MFNG: variants seen among roughly 807,000 people sequenced by gnomAD.
MFNG encodes the protein MFNG O-fucosylpeptide 3-beta-N-acetylglucosaminyltransferase.
A neutral mutation model predicts 34.2 loss-of-function variants in MFNG; 24 were observed. The ratio of observed to expected loss-of-function variants is 0.70; its 90% CI spans 0.51 to 0.99. MFNG has a LOEUF of 0.99. MFNG is among the 50% of genes least tolerant of loss of function. The pLI, the probability that MFNG is intolerant of heterozygous loss-of-function variation, is 0.00. For missense variants in MFNG, 383 were observed against 424.0 expected, an observed-to-expected ratio of 0.90 and a Z score of 0.85; for synonymous variants, 158 against 179.2, an observed-to-expected ratio of 0.88 and a Z score of 0.94.
intron 1 of MFNG, chr22:37,484,699 C>A: frequency 6.6e-6 from 1 of 152,450 alleles, no homozygotes; most frequent in Non-Finnish European, 1.5e-5. Context: ...TGCGGGAGGG[C>A]CCGCCTTGGC....
At position 37,482,493 on chromosome 22, in the gene MFNG, G is replaced by A. The variant is rs549579738; in HGVS notation, c.256-1724C>T. On this transcript the variant is annotated intron_variant, in intron 1 of 7. Coordinates refer to ENST00000356998, the MANE Select transcript of MFNG (RefSeq NM_002405.4). This position sits in a 1 kb window ranked among gnomAD's most constrained non-coding sequence, Gnocchi z 4.1. ...CACACACACACACGCACGTGCGCAC[G>A]CCTCTGAGCCTCTGCGCATGCTATG... Among the ~76,000 whole-genome samples, 24 of 151,770 alleles carry A rather than the reference G, an allele frequency of 1.6e-4. No homozygotes were observed. Among genetic ancestry groups the A allele is most frequent in the Admixed American group, 1.1e-3 (17 of 15,254 alleles).
At chr22:37,481,873 T>C (rs1922304187) in intron 1 of MFNG, among the ~76,000 whole-genome samples, 1 of 152,234 alleles carries the variant, frequency 6.6e-6, no homozygotes, top group African/African-American at 2.4e-5. Flanking sequence ...CCCCTCTGCT[T>C]ACCTAAAATC....
At position 37,483,851 on chromosome 22, in the gene MFNG, G is replaced by A. The variant is rs1922407833; in HGVS notation, c.255+2072C>T. On this transcript the variant is annotated intron_variant, in intron 1 of 7. Coordinates refer to ENST00000356998, the MANE Select transcript of MFNG (RefSeq NM_002405.4). The surrounding 1 kb of genome is among the most constrained non-coding windows in gnomAD (Gnocchi z 4.5). ...GGGAAGGGGAGTCCAGGTCCAGAGG[G>A]GGCGGGGGCACAGGAGAGGGCAGTG... 6.6e-6 allele frequency among the ~76,000 whole-genome samples: 1 copy of A among 152,182 alleles called. No individual in the cohort carries two copies. The highest frequency in any genetic ancestry group is 2.1e-4 in the South Asian group (1 of 4,826).
Position 37,485,772 on chromosome 22 carries a change from G to C in MFNG, c.255+151C>G. The C allele has an allele frequency of 9.6e-7, 1 of 1,041,136 alleles. No homozygotes were observed. Among genetic ancestry groups the C allele is most frequent in the Non-Finnish European group, 1.4e-6 (1 of 734,500 alleles). 64.5% of individuals were successfully genotyped at this position (1,041,136 alleles called of 1,614,324 possible). ...GGCCGCAGGCAGCCCCTAAAGCCCG[G>C]AAGAAGGAGAGAGGAAGAGGATCCC... is the stretch of plus-strand genomic sequence containing the variant. On this transcript the variant is annotated intron_variant, in intron 1 of 7. Transcript: ENST00000356998. The surrounding 1 kb of genome is among the most constrained non-coding windows in gnomAD (Gnocchi z 5.3).
rs1601791527 is a variant in MFNG, at chr22:37,469,786, A to AG, written c.*176dup. ...CCCTGGGCTGTCTAACTCACCTCCC[A>AG]GGGGCCTGGGGTGCCTTCAGTGCCA... On this transcript the variant is annotated 3_prime_UTR_variant, in exon 8 of 8. Coordinates refer to ENST00000356998, the MANE Select transcript of MFNG (RefSeq NM_002405.4). 7.1e-6 allele frequency: 5 copies of AG among 706,230 alleles called. No homozygotes were observed. The East Asian group carries it at 1.4e-4, about 19-fold the overall frequency. The allele number at this position is 706,230 out of a possible 1,614,324, so 43.7% of individuals were successfully genotyped here.
chr22:37,475,161 G>A (rs1469997999), intron 5 of MFNG, among the ~76,000 whole-genome samples: 2 of 152,190 alleles, frequency 1.3e-5, no homozygotes, highest in Non-Finnish European at 2.9e-5. Flanking sequence ...TGGGGGTACA[G>A]GGAGAATCAG....
intron 7 of MFNG, among the ~76,000 whole-genome samples, chr22:37,471,454 G>A (rs189400385): frequency 6.6e-6 from 1 of 152,132 alleles, no homozygotes; most frequent in Non-Finnish European, 1.5e-5. Flanking sequence ...CAGTTCTGGG[G>A]TTGGACTGAT....
chr22:37,481,930 C>T (rs1170363992), intron 1 of MFNG, among the ~76,000 whole-genome samples: 3 of 152,220 alleles, frequency 2.0e-5, no homozygotes, highest in Non-Finnish European at 2.9e-5. Context: ...GAAGAGTCCC[C>T]GCCTTGATCC....
At position 37,480,004 on chromosome 22, in the gene MFNG, CA is replaced by C. The variant is rs373108425; in HGVS notation, c.407+192del. 1.6e-3 allele frequency among the ~76,000 whole-genome samples: 230 copies of C among 145,160 alleles called. 2 individuals carry two copies. Among genetic ancestry groups the C allele is most frequent in the East Asian group, 0.013 (63 of 4,972 alleles). On this transcript the variant is annotated intron_variant, in intron 3 of 7. Transcript: ENST00000356998. Reference sequence around the variant, plus strand: ...GGGCAAGAAGAACGATACTCTGTCTCAAAAAAAAAAGCCATTTTCCCAAGGT... The same window carrying C: ...GGGCAAGAAGAACGATACTCTGTCTCAAAAAAAAAGCCATTTTCCCAAGGT...
chr22:37,473,469 C>T (rs1349731627), intron 6 of MFNG, among the ~76,000 whole-genome samples: 20 of 152,030 alleles, frequency 1.3e-4, no homozygotes, highest in Non-Finnish European at 1.0e-4. Flanking sequence ...TGGTGCCTGG[C>T]ATTGTGGGTA....
intron 4 of MFNG, among the ~76,000 whole-genome samples, chr22:37,477,868 GT>G: frequency 6.6e-6 from 1 of 152,320 alleles, no homozygotes; most frequent in East Asian, 1.9e-4. Flanking sequence ...AGTAGGGGCT[GT>G]TATCACCCAT....
At chr22:37,472,304 A>G in intron 7 of MFNG, 139 bp downstream of exon 7, 1 of 647,214 alleles carries the variant, frequency 1.5e-6, no homozygotes, top group East Asian at 3.1e-5. Context: ...AGAAACTGAA[A>G]TCCACTCCCT....
In MFNG at chr22:37,480,956, C is replaced by G. The variant is rs979471705; in HGVS notation, c.256-187G>C. ...ACACAACCCAGCTTTTGTAGACACACAACTTCAGGGTGTACACAGCCCACA... is the reference window on the plus strand; with the variant it reads ...ACACAACCCAGCTTTTGTAGACACAGAACTTCAGGGTGTACACAGCCCACA... On this transcript the variant is annotated intron_variant, in intron 1 of 7. Transcript: ENST00000356998. The G allele has an allele frequency of 6.8e-5, 42 of 616,572 alleles. No homozygotes were observed. The Middle Eastern group carries it at 2.8e-3, about 41-fold the overall frequency. 38.2% of individuals were successfully genotyped at this position (616,572 alleles called of 1,614,324 possible).
In MFNG at chr22:37,483,670, C is replaced by T. The variant is rs2145739299; in HGVS notation, c.255+2253G>A. ...GTGCGCATGCCTGTAGTCCAAGCTA[C>T]TCAGGAAGCTGAGGATCACTTGAAA... On this transcript the variant is annotated intron_variant, in intron 1 of 7. Transcript: ENST00000356998. The surrounding 1 kb of genome is among the most constrained non-coding windows in gnomAD (Gnocchi z 4.5). Among the ~76,000 whole-genome samples, 1 of 152,138 alleles carries T rather than the reference C, an allele frequency of 6.6e-6. No individual in the cohort carries two copies.
chr22:37,480,122 A>G, intron 3 of MFNG, 75 bp downstream of exon 3: 1 of 1,206,922 alleles, frequency 8.3e-7, no homozygotes, highest in Non-Finnish European at 1.2e-6. Context: ...GGCTGAAGTC[A>G]GACCCCAGGA....
chr22:37,473,137 CAG>C (rs752288903), intron 6 of MFNG, among the ~76,000 whole-genome samples: 4 of 152,062 alleles, frequency 2.6e-5, no homozygotes, highest in Non-Finnish European at 5.9e-5. Flanking sequence ...TGTGAGGAAC[CAG>C]AGAGTTAAAG....
rs941450320 is a variant in MFNG, at chr22:37,479,516, G to C, written c.408-18C>G. On this transcript the variant is annotated intron_variant, in intron 3 of 7. Transcript: ENST00000356998. ...AGAACCACCTGTAGGGATGAAACGGGGACAGTGAACTTGTTGGGGGGGTTC... is the reference window on the plus strand; with the variant it reads ...AGAACCACCTGTAGGGATGAAACGGCGACAGTGAACTTGTTGGGGGGGTTC... 2 of 1,608,390 alleles carry C rather than the reference G, an allele frequency of 1.2e-6. No homozygotes were observed. The highest frequency in any genetic ancestry group is 1.7e-6 in the Non-Finnish European group (2 of 1,177,682).
chr22:37,472,289 G>A (rs1921842428), intron 7 of MFNG, among the ~76,000 whole-genome samples, 154 bp downstream of exon 7: 1 of 152,184 alleles, frequency 6.6e-6, no homozygotes, highest in African/African-American at 2.4e-5. Context: ...GCCAGTGGCA[G>A]GGTCAGAAAC....
chr22:37,480,268 C>T lies in MFNG; in HGVS notation c.336G>A (p.Ala112=), dbSNP rs780589744. The change falls in exon 3 of 8, where the codon GCG becomes GCA. Residue 112 remains alanine, a synonymous_variant. Coordinates refer to ENST00000356998, the MANE Select transcript of MFNG (RefSeq NM_002405.4). The part of the protein sequence containing the change: ...GSHLVVTNCS[A]EHSHPALSCK... ...AGGACAGAGCTGGGTGGCTGTGTTCCGCGGAGCAGTTGGTGACCACAAGGT... is the reference window on the plus strand; with the variant it reads ...AGGACAGAGCTGGGTGGCTGTGTTCTGCGGAGCAGTTGGTGACCACAAGGT... 13 of 1,613,588 alleles carry T rather than the reference C, an allele frequency of 8.1e-6. No individual in the cohort carries two copies. Among genetic ancestry groups the T allele is most frequent in the South Asian group, 6.6e-5 (6 of 91,052 alleles).
Sources: allele counts gnomAD v4.1 joint callset (sites outside exome capture counted in the v4.1 genomes callset), GRCh38; gene constraint gnomAD v4.1.1; non-coding constraint Gnocchi (gnomAD v3.1); transcripts MANE v1.5; gene names NCBI Gene and HGNC (gene_info 2026-07-23, HGNC 2026-07-21).